Variants in SETD2 observed in about 807,000 individuals in gnomAD.
SETD2 encodes the protein SET domain containing 2, histone lysine methyltransferase, also known as histone-lysine N-methyltransferase SETD2.
In SETD2, 31 loss-of-function variants were observed where a neutral mutation model predicts 242.1. The ratio of observed to expected loss-of-function variants is 0.13; its 90% confidence interval spans 0.10 to 0.17. The LOEUF is 0.17. Among genes scored for constraint, SETD2 ranks in the 10% least tolerant of loss-of-function variants. The probability of loss-of-function intolerance (pLI) is 1.00; values close to 1 mark genes in which losing one functional copy is unlikely to be tolerated. For synonymous variants in SETD2, 1,006 were observed against 1,066.5 expected (o/e 0.94, Z 1.11); for missense variants, 2,481 against 3,046.3 (o/e 0.81, Z 4.37).
chr3:47,105,879 G>A (rs1200955533), intron 6 of SETD2, 118 bp downstream of exon 6: 3 of 1,204,238 alleles, frequency 2.5e-6, no homozygotes, highest in Non-Finnish European at 3.4e-6. Context: ...CTCCAGCCTG[G>A]GCGATAGAGC....
At chr3:47,046,409 C>T in intron 16 of SETD2, 78 bp downstream of exon 16, 1 of 1,299,086 alleles carries the variant, frequency 7.7e-7, no homozygotes, top group Non-Finnish European at 1.0e-6. Context: ...AAACCCAAAA[C>T]AAATCCAAAC....
At chr3:47,084,714 C>T (rs1435155467) in intron 11 of SETD2, among the ~76,000 whole-genome samples, 1 of 151,756 alleles carries the variant, frequency 6.6e-6, no homozygotes, top group Non-Finnish European at 1.5e-5. Flanking sequence ...GCATGAGCCA[C>T]CACACCTGGC....
chr3:47,103,258 T>C (rs1389808494), intron 7 of SETD2, 88 bp downstream of exon 7: 20 of 815,088 alleles, frequency 2.5e-5, no homozygotes, highest in Non-Finnish European at 3.7e-5. Flanking sequence ...AAAAAATTCA[T>C]GAGTACCTTA....
Position 47,037,059 on chromosome 3 carries a change from C to CT in SETD2, c.7350+606dup, listed in dbSNP as rs10536067. Among the ~76,000 whole-genome samples the CT allele has an allele frequency of 1.1e-3, 78 of 71,734 alleles. 2 individuals are homozygous for CT. The highest frequency in any genetic ancestry group is 0.01 in the Middle Eastern group (1 of 96). The allele number at this position is 71,734 out of a possible 152,430, so 47.1% of individuals were successfully genotyped here. A position where few individuals can be genotyped will look rare whatever the true frequency, so the allele number is the denominator to read the frequency against. ...CTCTCAATGTCTAAAAAAGGCCATT[C>CT]TTTTTTTTTTTTTTTTTTTTTTTTT... is the stretch of plus-strand genomic sequence containing the variant. On this transcript the variant is annotated intron_variant, in intron 18 of 20. Transcript: ENST00000409792.
Position 47,037,758 on chromosome 3 carries a change from G to A in SETD2, c.7258C>T (p.Pro2420Ser). ...VITRQTQWDP[P>S]TWESPGDDAS... The stretch of plus-strand genomic sequence containing the variant: ...TCATCTCCTGGGCTTTCCCAAGTAG[G>A]AGGATCCCACTGAGTCTGCCTAGAA... Residue 2420 changes from proline (P) to serine (S), a missense_variant, in exon 18 of 21, where the codon CCT becomes TCT. Around this residue, in one of 17 missense-constraint regions of SETD2, gnomAD observed 235 missense variants for 293.9 expected, o/e 0.80. Transcript: ENST00000409792. 2 of 1,613,664 alleles carry A rather than the reference G, an allele frequency of 1.2e-6. No individual in the cohort carries two copies. Among genetic ancestry groups the A allele is most frequent in the Non-Finnish European group, 1.7e-6 (2 of 1,179,732 alleles).
rs1402083087 is a variant in SETD2 at position 47,084,367 on chromosome 3, C to T, written c.5413G>A (p.Glu1805Lys). 6.2e-7 allele frequency: 1 copy of T among 1,611,004 alleles called. No individual in the cohort carries two copies. Among genetic ancestry groups the T allele is most frequent in the African/African-American group, 1.3e-5 (1 of 74,662 alleles). Residue 1805 changes from glutamate to lysine, a missense_variant, in exon 12 of 21, where the codon GAA becomes AAA. Transcript: ENST00000409792. ...TTTTTAGTAGGAATGGGCAAGTGTT[C>T]CAAAGTCTTTATAATCTGATTAAAC... ...KLQEEIIKTL[E>K]HLPIPTKNML... is the part of the protein sequence containing the mutation.
intron 12 of SETD2, among the ~76,000 whole-genome samples, chr3:47,076,924 C>G (rs2041104318): frequency 6.6e-6 from 1 of 152,114 alleles, no homozygotes; most frequent in South Asian, 2.1e-4. Flanking sequence ...TGAGATGTTA[C>G]TAGAGGTTCC....
intron 18 of SETD2, among the ~76,000 whole-genome samples, chr3:47,035,779 GT>G (rs1192730251): frequency 6.6e-6 from 1 of 152,134 alleles, no homozygotes; most frequent in Non-Finnish European, 1.5e-5. Flanking sequence ...TAATCCCTTT[GT>G]TTATTTTTCA....
intron 12 of SETD2, among the ~76,000 whole-genome samples, chr3:47,068,520 G>A (rs1180496923): frequency 5.3e-5 from 7 of 131,170 alleles, no homozygotes; most frequent in African/African-American, 1.8e-4. Flanking sequence ...TTTTTGAGAC[G>A]GAGTCTTGCT....
chr3:47,070,947 GCTGGTCT>G (rs1457975806), intron 12 of SETD2, among the ~76,000 whole-genome samples: 2 of 152,106 alleles, frequency 1.3e-5, no homozygotes, highest in Non-Finnish European at 2.9e-5. Context: ...TGTTGCCCAG[GCTGGTCT>G]CAAACTCCTG....
At chr3:47,101,819 G>A (rs1304766088) in intron 7 of SETD2, among the ~76,000 whole-genome samples, 7 of 151,342 alleles carry the variant, frequency 4.6e-5, no homozygotes, top group Non-Finnish European at 8.8e-5. Context: ...AAAAGTAACT[G>A]CTAAAAAAAA....
intron 15 of SETD2, among the ~76,000 whole-genome samples, chr3:47,056,073 A>G (rs115240721): frequency 0.03 from 3,723 of 125,716 alleles, 189 homozygotes; most frequent in East Asian, 0.14. Flanking sequence ...AAAAAAAAAA[A>G]AAAAGAAAAG....
chr3:47,138,073 G>A (rs1559760123), intron 1 of SETD2, among the ~76,000 whole-genome samples: 4 of 151,696 alleles, frequency 2.6e-5, no homozygotes, highest in Non-Finnish European at 4.4e-5. Flanking sequence ...CCGGGTTCAC[G>A]CCATTCTCCT....
At position 47,017,157 on chromosome 3, in the gene SETD2, A is replaced by G. The variant is rs2107484926; in HGVS notation, c.7631T>C (p.Ile2544Thr). Reference sequence around the variant, plus strand: ...CCCAAACTTCTGCATGTACTTCTTAATGTACTCCTTGGTTTTGTGTTTCAC... The same window carrying G: ...CCCAAACTTCTGCATGTACTTCTTAGTGTACTCCTTGGTTTTGTGTTTCAC... ...ENVKHKTKEY[I>T]KKYMQKFGAV... The change falls in exon 21 of 21, where the codon ATT (isoleucine) becomes ACT (threonine). Residue 2544 changes from isoleucine (I) to threonine (T), a missense_variant. Coordinates refer to ENST00000409792, the MANE Select transcript of SETD2 (RefSeq NM_014159.7). The surrounding 1 kb of genome is among the most constrained non-coding windows in gnomAD (Gnocchi z 4.8). 1 of 1,614,028 alleles carries G rather than the reference A, an allele frequency of 6.2e-7. No homozygotes were observed. The highest frequency in any genetic ancestry group is 8.5e-7 in the Non-Finnish European group (1 of 1,179,998).
rs777464814 is a variant in SETD2 at position 47,123,826 on chromosome 3, T to C, written c.810A>G (p.Ile270Met). 2.6e-6 allele frequency: 4 copies of C among 1,548,546 alleles called. No homozygotes were observed. ...AGGAAATATCTGCTTGCTCATTCAATATTTGAGTTACGTGTTCTTCTAAAC... is the reference window on the plus strand; with the variant it reads ...AGGAAATATCTGCTTGCTCATTCAACATTTGAGTTACGTGTTCTTCTAAAC... The part of the protein sequence containing the change: ...SNSLEEHVTQ[I>M]LNEQADISSK... The change falls in exon 3 of 21, where the codon ATA (isoleucine) becomes ATG (methionine). Residue 270 changes from isoleucine (I) to methionine (M), a missense_variant. Around this residue, in one of 17 missense-constraint regions of SETD2, gnomAD observed 334 missense variants for 374.5 expected, o/e 0.89. Transcript: ENST00000409792.
chr3:47,105,898 G>A (rs778266447), intron 6 of SETD2, 99 bp downstream of exon 6: 37 of 1,224,298 alleles, frequency 3.0e-5, no homozygotes, highest in South Asian at 2.2e-4. Context: ...GCGAGACTCC[G>A]TCTCCAAAAA....
chr3:47,047,466 T>TCCTG (rs1411342945), intron 15 of SETD2, among the ~76,000 whole-genome samples: 1 of 152,228 alleles, frequency 6.6e-6, no homozygotes, highest in African/African-American at 2.4e-5. Context: ...TAGACATGTA[T>TCCTG]CCTGTGCTTA....
chr3:47,116,827 T>C, intron 3 of SETD2, 73 bp from the exon 4 acceptor site: 3 of 1,096,604 alleles, frequency 2.7e-6, no homozygotes, highest in South Asian at 1.4e-5. Flanking sequence ...TAATCAAATA[T>C]GTGCCAAATC....
At position 47,056,510 on chromosome 3, in the gene SETD2, T is replaced by C. The variant is rs535222933; in HGVS notation, c.6963+311A>G. Reference sequence around the variant, plus strand: ...AGAAATGGAGGCCTGCTAACAACAATGTGAGTAGGTTGGAAAGTGAATCTC... The same window carrying C: ...AGAAATGGAGGCCTGCTAACAACAACGTGAGTAGGTTGGAAAGTGAATCTC... On this transcript the variant is annotated intron_variant, in intron 15 of 20. Transcript: ENST00000409792. Among the ~76,000 whole-genome samples the C allele has an allele frequency of 1.6e-4, 25 of 151,882 alleles. No homozygotes were observed. In the East Asian group the frequency reaches 4.6e-3, roughly 28 times the overall value.
Sources: allele counts gnomAD v4.1 joint callset (sites outside exome capture counted in the v4.1 genomes callset), GRCh38; gene constraint gnomAD v4.1.1; regional missense constraint gnomAD v4.1.1; non-coding constraint Gnocchi (gnomAD v3.1); transcripts MANE v1.5; gene names NCBI Gene and HGNC (gene_info 2026-07-23, HGNC 2026-07-21).